Variants in GLIS1 observed in about 807,000 individuals in gnomAD.
The protein encoded by GLIS1 is GLIS family zinc finger 1.
A neutral mutation model predicts 63.8 loss-of-function variants in GLIS1; 24 were observed. That is an observed-to-expected ratio of 0.38 (90% confidence interval 0.27 to 0.53). GLIS1 has a LOEUF of 0.53. GLIS1 is among the 20% of genes least tolerant of loss of function. The pLI is 0.85. For synonymous variants in GLIS1, 450 were observed against 482.5 expected, an observed-to-expected ratio of 0.93 and a Z score of 0.88; for missense variants, 1,036 against 1,074.1, an observed-to-expected ratio of 0.96 and a Z score of 0.50.
chr1:53,618,434 A>G (rs550160080), intron 2 of GLIS1, among the ~76,000 whole-genome samples: 1 of 152,322 alleles, frequency 6.6e-6, no homozygotes, highest in African/African-American at 2.4e-5. Flanking sequence ...CCTTTACAAC[A>G]TTATTAGTTG....
intron 8 of GLIS1, 39 bp downstream of exon 8, chr1:53,514,586 C>T: frequency 1.2e-6 from 2 of 1,600,438 alleles, no homozygotes; most frequent in South Asian, 1.1e-5. Context: ...GAGATCCCCC[C>T]TTGTTGCCCC....
chr1:53,536,509 C>T (rs1345755662), intron 4 of GLIS1, among the ~76,000 whole-genome samples: 2 of 152,024 alleles, frequency 1.3e-5, no homozygotes, highest in Non-Finnish European at 2.9e-5. Flanking sequence ...CAACGTTCCC[C>T]GCTGAGGAAG....
intron 7 of GLIS1, among the ~76,000 whole-genome samples, chr1:53,516,000 A>G (rs545835348): frequency 4.6e-5 from 7 of 152,050 alleles, no homozygotes; most frequent in African/African-American, 1.7e-4. Flanking sequence ...ATAGCAATTG[A>G]CATCATTTTT....
At chr1:53,576,863 C>T (rs1234380080) in intron 4 of GLIS1, among the ~76,000 whole-genome samples, 4 of 152,138 alleles carry the variant, frequency 2.6e-5, no homozygotes, top group African/African-American at 4.8e-5. Flanking sequence ...CAAATGTCCC[C>T]CTCGGCTGCT....
chr1:53,634,898 C>T (rs992339999), intron 2 of GLIS1, among the ~76,000 whole-genome samples: 3 of 152,074 alleles, frequency 2.0e-5, no homozygotes, highest in African/African-American at 2.4e-5. Context: ...GGCTCCCCAC[C>T]GCCTTCCATC....
At chr1:53,536,281 A>T (rs1644580779) in intron 4 of GLIS1, among the ~76,000 whole-genome samples, 1 of 152,118 alleles carries the variant, frequency 6.6e-6, no homozygotes, top group Admixed American at 6.5e-5. Flanking sequence ...GGCAGGGGGT[A>T]CCCAGGATGG....
chr1:53,509,165 G>A lies in GLIS1; in HGVS notation c.2185C>T (p.Arg729Trp), dbSNP rs142921936. The change falls in exon 10 of 11, where the codon CGG (arginine) becomes TGG (tryptophan). Residue 729 changes from arginine to tryptophan, a missense_variant. Physicochemically the swap from Arg to Trp is moderately radical, Grantham distance 101. Coordinates refer to ENST00000628545, the MANE Select transcript of GLIS1 (RefSeq NM_001367484.1). ...CTGAGGCTGTGGTAGCCATTGGGCC[G>A]CAGGGGGTTGAAACCGTGGGTCTCC... ...VGETHGFNPL[R>W]PNGYHSLSTP... The A allele has an allele frequency of 2.2e-4, 351 of 1,599,424 alleles. No individual in the cohort carries two copies. The African/African-American group carries it at 4.0e-3, about 18-fold the overall frequency.
chr1:53,734,509 G>C (rs921706415), intron 2 of GLIS1, among the ~76,000 whole-genome samples: 1 of 152,202 alleles, frequency 6.6e-6, no homozygotes, highest in Non-Finnish European at 1.5e-5. Flanking sequence ...CTGGAAGCCT[G>C]GAAACTGCCA....
intron 2 of GLIS1, among the ~76,000 whole-genome samples, chr1:53,711,088 G>C (rs1384153765): frequency 6.6e-6 from 1 of 152,094 alleles, no homozygotes; most frequent in African/African-American, 2.4e-5. Flanking sequence ...GTGGGTCCAA[G>C]GCTGAGCCAC....
At chr1:53,530,315 G>A (rs1011489547) in intron 4 of GLIS1, among the ~76,000 whole-genome samples, 1 of 152,220 alleles carries the variant, frequency 6.6e-6, no homozygotes, top group Non-Finnish European at 1.5e-5. Flanking sequence ...CCAGCACAGA[G>A]AGCTGAAATA....
At chr1:53,576,102 C>T (rs1434081542) in intron 4 of GLIS1, among the ~76,000 whole-genome samples, 1 of 152,100 alleles carries the variant, frequency 6.6e-6, no homozygotes, top group Non-Finnish European at 1.5e-5. Context: ...GTCCCCCTCA[C>T]CAGCTCCTGG....
At position 53,510,013 on chromosome 1, in the gene GLIS1, A is replaced by G. The variant is rs771266123; in HGVS notation, c.1898T>C (p.Leu633Pro). 2.4e-6 allele frequency: 3 copies of G among 1,272,700 alleles called. No homozygotes were observed. In the East Asian group the frequency reaches 8.8e-5, roughly 38 times the overall value. 78.8% of individuals were successfully genotyped at this position (1,272,700 alleles called of 1,614,324 possible). A position where few individuals can be genotyped will look rare whatever the true frequency, so the allele number is the denominator to read the frequency against. ...CAGGGGGCTGACTATTGGTGAGAGG[A>G]GGCCGGGCCCCAACCTGGAGAGAAC... Reference protein sequence around the residue: ...ESTRDGLGPGLLSPIVSPLKG... With the variant: ...ESTRDGLGPGPLSPIVSPLKG... The change falls in exon 9 of 11, where the codon CTC (leucine) becomes CCC (proline). Residue 633 changes from leucine to proline, a missense_variant. Leu to Pro is a moderately conservative substitution (Grantham distance 98, BLOSUM62 -3). Coordinates refer to ENST00000628545, the MANE Select transcript of GLIS1 (RefSeq NM_001367484.1).
intron 4 of GLIS1, among the ~76,000 whole-genome samples, chr1:53,576,334 T>C (rs930045084): frequency 6.6e-6 from 1 of 152,190 alleles, no homozygotes; most frequent in African/African-American, 2.4e-5. Flanking sequence ...GCACTAGCTG[T>C]GTGACCAAGC....
At chr1:53,616,951 C>A (rs1211161170) in intron 2 of GLIS1, among the ~76,000 whole-genome samples, 1 of 151,812 alleles carries the variant, frequency 6.6e-6, no homozygotes, top group Non-Finnish European at 1.5e-5. Flanking sequence ...CCACCCCAGA[C>A]CTGAACCCAC....
chr1:53,520,257 G>C (rs991516188), intron 7 of GLIS1, among the ~76,000 whole-genome samples: 3 of 152,118 alleles, frequency 2.0e-5, no homozygotes, highest in African/African-American at 7.2e-5. Context: ...CAGTGTCCGG[G>C]GGTCGGGGGG....
At chr1:53,634,421 A>C (rs1645701658) in intron 2 of GLIS1, among the ~76,000 whole-genome samples, 1 of 152,204 alleles carries the variant, frequency 6.6e-6, no homozygotes, top group Non-Finnish European at 1.5e-5. Flanking sequence ...GAGTAGCCAG[A>C]GGGGAAGGAA....
chr1:53,674,980 G>A (rs1322451602), intron 2 of GLIS1, among the ~76,000 whole-genome samples: 1 of 152,164 alleles, frequency 6.6e-6, no homozygotes, highest in Non-Finnish European at 1.5e-5. Flanking sequence ...TCACTCACTC[G>A]CCATAGCCCA....
At chr1:53,561,905 G>A (rs1644895848) in intron 4 of GLIS1, among the ~76,000 whole-genome samples, 1 of 152,170 alleles carries the variant, frequency 6.6e-6, no homozygotes, top group Non-Finnish European at 1.5e-5. Flanking sequence ...CCACACCCTC[G>A]GGAGGCTGGC....
intron 4 of GLIS1, among the ~76,000 whole-genome samples, chr1:53,581,796 G>A (rs1365266746): frequency 1.3e-5 from 2 of 152,172 alleles, no homozygotes; most frequent in Non-Finnish European, 2.9e-5. Flanking sequence ...AGAGAGAGGA[G>A]TGTGGAAGGA....
Sources: gnomAD v4.1 joint callset for allele counts (sites outside exome capture counted in the v4.1 genomes callset) on GRCh38, gnomAD v4.1.1 for gene constraint, MANE v1.5 for transcripts, NCBI Gene and HGNC (gene_info 2026-07-23, HGNC 2026-07-21) for gene names.